LRRC37A2: variants seen among roughly 807,000 people sequenced by gnomAD.
LRRC37A2 encodes the protein leucine-rich repeat-containing protein 37A2.
In LRRC37A2, 9 loss-of-function variants were observed where a neutral mutation model predicts 68.8. The observed-to-expected ratio is 0.13, with a 90% CI of 0.08 to 0.23. The LOEUF is 0.23. LRRC37A2 is among the 10% of genes least tolerant of loss of function. The pLI, the probability that LRRC37A2 is intolerant of heterozygous loss-of-function variation, is 1.00. For synonymous variants in LRRC37A2, 63 were observed against 367.6 expected, an observed-to-expected ratio of 0.17 and a Z score of 9.48; for missense variants, 168 against 950.4, an observed-to-expected ratio of 0.18 and a Z score of 10.82.
chr17:46,941,945 G>A, the LRRC37A2 span: 1 of 985,246 alleles, frequency 1.0e-6, no homozygotes, highest in South Asian at 4.7e-5. Flanking sequence ...GAAAGCTTCT[G>A]TCTCAAAGAT....
chr17:46,525,602 T>TA (rs1346950818), intron 6 of LRRC37A2, among the ~76,000 whole-genome samples: 2,545 of 102,142 alleles, frequency 0.025, 74 homozygotes, highest in African/African-American at 0.081. Flanking sequence ...ATAATAATAA[T>TA]ATAATAATAA....
the LRRC37A2 span, chr17:46,886,122 C>T: frequency 6.6e-6 from 1 of 152,334 alleles, no homozygotes; most frequent in Non-Finnish European, 1.5e-5. Flanking sequence ...AGAGGATGCA[C>T]AGCTGTGTGT....
the LRRC37A2 span, among the ~76,000 whole-genome samples, chr17:46,870,904 C>CTT: frequency 0.028 from 2,197 of 78,318 alleles, 115 homozygotes; most frequent in East Asian, 0.26. Context: ...TCCACCTTTG[C>CTT]TTTTTTTTTT....
the LRRC37A2 span, chr17:46,757,171 T>C: frequency 6.6e-6 from 1 of 152,222 alleles, no homozygotes; most frequent in Non-Finnish European, 1.5e-5. Context: ...TTGTATACTT[T>C]TGGTGGAGAC....
chr17:46,861,113 A>AC, the LRRC37A2 span, among the ~76,000 whole-genome samples: 1 of 152,104 alleles, frequency 6.6e-6, no homozygotes, highest in Admixed American at 6.6e-5. Context: ...TGGCAGTGGA[A>AC]CCCCAACTGG....
the LRRC37A2 span, chr17:46,768,920 G>C: frequency 7.0e-7 from 1 of 1,433,800 alleles, no homozygotes; most frequent in Non-Finnish European, 9.3e-7. This position sits in a 1 kb window ranked among gnomAD's most constrained non-coding sequence, Gnocchi z 5.0. Flanking sequence ...TCTGTGACAG[G>C]AAGAGAACTG....
At chr17:46,828,875 T>C in the LRRC37A2 span, among the ~76,000 whole-genome samples, 4 of 145,424 alleles carry the variant, frequency 2.8e-5, no homozygotes, top group Admixed American at 2.7e-4. Flanking sequence ...GGCTGGAGAA[T>C]CGCTTGAGCC....
chr17:46,987,339 T>C, the LRRC37A2 span, among the ~76,000 whole-genome samples: 106,416 of 151,962 alleles, frequency 0.7, 37,890 homozygotes, highest in Middle Eastern at 0.79. Flanking sequence ...TAAAGAGGCA[T>C]GTGGGCGCCA....
chr17:46,885,805 GGCCTCCTTATT>G, the LRRC37A2 span: 1 of 152,330 alleles, frequency 6.6e-6, no homozygotes, highest in Admixed American at 6.5e-5. Context: ...CCTGACACAC[GGCCTCCTTATT>G]GCCCCTGCTA....
the LRRC37A2 span, among the ~76,000 whole-genome samples, chr17:46,499,377 C>T: frequency 6.8e-6 from 1 of 146,082 alleles, no homozygotes; most frequent in African/African-American, 2.6e-5. Flanking sequence ...TAGAAACATA[C>T]ATTTTATAGA....
chr17:46,893,715 C>A, the LRRC37A2 span, among the ~76,000 whole-genome samples: 1,427 of 152,150 alleles, frequency 9.4e-3, 31 homozygotes, highest in African/African-American at 0.033. Flanking sequence ...CTGAAAAAAA[C>A]AAACTGGAAG....
At chr17:46,516,554 TTAG>T (rs2051365924) in intron 2 of LRRC37A2, 1 of 151,488 alleles carries the variant, frequency 6.6e-6, no homozygotes, top group Admixed American at 6.5e-5. Context: ...TGGTTGGAAT[TTAG>T]TAGACCAATG....
At chr17:46,606,136 G>T in the LRRC37A2 span, among the ~76,000 whole-genome samples, 1 of 32,154 alleles carries the variant, frequency 3.1e-5, no homozygotes, top group Non-Finnish European at 4.8e-5. Context: ...CCGAAATCAC[G>T]CCATTGCACT....
the LRRC37A2 span, among the ~76,000 whole-genome samples, chr17:46,761,784 TAAAGG>T: frequency 6.6e-6 from 1 of 152,260 alleles, no homozygotes; most frequent in Non-Finnish European, 1.5e-5. Context: ...GTCTGAAAAC[TAAAGG>T]ATTGTCTGTT....
chr17:47,012,337 T>C, the LRRC37A2 span, among the ~76,000 whole-genome samples: 1 of 152,174 alleles, frequency 6.6e-6, no homozygotes, highest in Non-Finnish European at 1.5e-5. Context: ...AATGATTTCT[T>C]AGATATGACA....
chr17:46,785,026 C>T, the LRRC37A2 span, among the ~76,000 whole-genome samples: 1 of 152,154 alleles, frequency 6.6e-6, no homozygotes, highest in African/African-American at 2.4e-5. Context: ...ATCTGCCCGC[C>T]TTGGCCTCCC....
chr17:46,746,977 C>G, the LRRC37A2 span, among the ~76,000 whole-genome samples: 1 of 152,174 alleles, frequency 6.6e-6, no homozygotes, highest in African/African-American at 2.4e-5. Context: ...CTCCAGTATG[C>G]TGGCAACGAG....
At chr17:47,034,219 A>G in the LRRC37A2 span, among the ~76,000 whole-genome samples, 1 of 152,168 alleles carries the variant, frequency 6.6e-6, no homozygotes, top group African/African-American at 2.4e-5. Context: ...ATAAATAAAA[A>G]CATTCATATC....
the LRRC37A2 span, among the ~76,000 whole-genome samples, chr17:46,915,544 C>T: frequency 2.6e-5 from 4 of 152,226 alleles, no homozygotes; most frequent in African/African-American, 9.6e-5. Context: ...AATATGAGAT[C>T]ATCTCTATTT....
Sources: allele counts gnomAD v4.1 joint callset (sites outside exome capture counted in the v4.1 genomes callset), GRCh38; gene constraint gnomAD v4.1.1; non-coding constraint Gnocchi (gnomAD v3.1); transcripts MANE v1.5; gene names NCBI Gene and HGNC (gene_info 2026-07-23, HGNC 2026-07-21).